PLCL1: variants seen among roughly 807,000 people sequenced by gnomAD.
PLCL1 encodes the protein inactive phospholipase C-like protein 1.
Under a neutral mutation model 84.4 loss-of-function variants are expected in PLCL1, and 41 were observed. The ratio of observed to expected loss-of-function variants is 0.49; its 90% CI spans 0.38 to 0.63. The LOEUF (loss-of-function observed/expected upper bound fraction) is 0.63, where lower values mean the gene tolerates loss of function less well. Among genes scored for constraint, PLCL1 ranks in the 30% least tolerant of loss-of-function variants. PLCL1 has a pLI of 0.00. For missense variants in PLCL1, 1,206 were observed against 1,367.8 expected, an observed-to-expected ratio of 0.88 and a Z score of 1.87; for synonymous variants, 490 against 488.3, an observed-to-expected ratio of 1.00 and a Z score of -0.05.
chr2:197,918,936 GTCTCTCTCTCTCTCTC>G (rs71395692), intron 1 of PLCL1, among the ~76,000 whole-genome samples: 4 of 83,160 alleles, frequency 4.8e-5, no homozygotes, highest in South Asian at 4.6e-4. Context: ...CGGAGACCCT[GTCTCTCTCTCTCTCTC>G]TCTCTCTCTC....
At chr2:197,971,924 A>T (rs555211897) in intron 1 of PLCL1, among the ~76,000 whole-genome samples, 1 of 152,334 alleles carries the variant, frequency 6.6e-6, no homozygotes, top group Non-Finnish European at 1.5e-5. Context: ...TTAAAATAAA[A>T]CTGTCAAATT....
Position 198,101,152 on chromosome 2 carries a change from C to T in PLCL1, c.2920-133C>T, listed in dbSNP as rs555411933. 2.8e-4 allele frequency: 184 copies of T among 659,346 alleles called. 3 individuals are homozygous for T. The South Asian group carries it at 3.3e-3, about 12-fold the overall frequency. 40.8% of individuals were successfully genotyped at this position (659,346 alleles called of 1,614,324 possible). On this transcript the variant is annotated intron_variant, in intron 3 of 5. Coordinates refer to ENST00000428675, the MANE Select transcript of PLCL1 (RefSeq NM_006226.4). ...GTTGGAACAGAGCTTATCCTTCTCC[C>T]TCCCATCTGTTGTGGTGAGACTATG...
chr2:197,942,308 C>T (rs1440468718), intron 1 of PLCL1, among the ~76,000 whole-genome samples: 1 of 152,124 alleles, frequency 6.6e-6, no homozygotes, highest in Non-Finnish European at 1.5e-5. Flanking sequence ...TTGCATCTTG[C>T]CCCTTTGCCT....
intron 2 of PLCL1, among the ~76,000 whole-genome samples, chr2:198,087,100 G>T (rs1041640080): frequency 6.6e-6 from 1 of 152,114 alleles, no homozygotes; most frequent in African/African-American, 2.4e-5. Context: ...ATTTAACCTT[G>T]TCTTAGAAAT....
chr2:197,827,957 A>G (rs1337114702), intron 1 of PLCL1, among the ~76,000 whole-genome samples: 1 of 73,150 alleles, frequency 1.4e-5, no homozygotes, highest in Non-Finnish European at 2.7e-5. Context: ...CAGATTAGCA[A>G]ATATGTTTTT....
intron 1 of PLCL1, among the ~76,000 whole-genome samples, chr2:198,070,805 T>C (rs1360651206): frequency 6.6e-6 from 1 of 151,996 alleles, no homozygotes; most frequent in Non-Finnish European, 1.5e-5. Flanking sequence ...CTACAAAGTG[T>C]ATCTATTGTT....
chr2:198,115,846 G>A (rs1007106210), intron 5 of PLCL1, among the ~76,000 whole-genome samples: 3 of 151,178 alleles, frequency 2.0e-5, no homozygotes, highest in Admixed American at 6.6e-5. Flanking sequence ...CCCTTGACAC[G>A]TGGGGATTAT....
rs748132872 is a variant in PLCL1, at chr2:198,103,867, A to G, written c.3036A>G (p.Lys1012=). Residue 1012 remains lysine (K), a synonymous_variant, in exon 5 of 6, where the codon AAA becomes AAG. Transcript: ENST00000428675. ...AAGAACTTCATAATTTGGGGGCAAAAGAAGGCTTGAAGGGAAGAAAACTCA... is the reference window on the plus strand; with the variant it reads ...AAGAACTTCATAATTTGGGGGCAAAGGAAGGCTTGAAGGGAAGAAAACTCA... The part of the protein sequence containing the change: ...FHEELHNLGA[K]EGLKGRKLNK... The G allele has an allele frequency of 6.2e-7, 1 of 1,607,690 alleles. No homozygotes were observed. Among genetic ancestry groups the G allele is most frequent in the Non-Finnish European group, 8.5e-7 (1 of 1,176,632 alleles).
At chr2:198,066,432 C>A (rs796708063) in intron 1 of PLCL1, among the ~76,000 whole-genome samples, 1 of 152,134 alleles carries the variant, frequency 6.6e-6, no homozygotes, top group South Asian at 2.1e-4. Flanking sequence ...CTCTCCCTCT[C>A]CCCATTGCTC....
chr2:198,083,759 A>G lies in PLCL1; in HGVS notation c.242A>G (p.Asp81Gly), dbSNP rs1171408740. ...ATPRRSSIIK[D>G]PSNQKCGGRK... The stretch of plus-strand genomic sequence containing the variant: ...CATTTTTTTCAAATTATTTTACAGG[A>G]TCCTTCAAACCAAAAATGTGGTGGA... Residue 81 changes from aspartate to glycine, a missense_variant and splice_region_variant, in exon 2 of 6, where the codon GAT (aspartate) becomes GGT (glycine). Physicochemically the swap from Asp to Gly is moderately conservative, Grantham distance 94. Coordinates refer to ENST00000428675, the MANE Select transcript of PLCL1 (RefSeq NM_006226.4). The G allele has an allele frequency of 6.4e-7, 1 of 1,571,492 alleles. No homozygotes were observed. Among genetic ancestry groups the G allele is most frequent in the Non-Finnish European group, 8.6e-7 (1 of 1,160,258 alleles).
At chr2:198,020,738 A>G (rs2105839272) in intron 1 of PLCL1, among the ~76,000 whole-genome samples, 1 of 152,306 alleles carries the variant, frequency 6.6e-6, no homozygotes, top group East Asian at 1.9e-4. Context: ...GAGCACCCAG[A>G]TTCATAAAGC....
chr2:197,997,181 G>C (rs1005048588), intron 1 of PLCL1, among the ~76,000 whole-genome samples: 1 of 152,228 alleles, frequency 6.6e-6, no homozygotes, highest in Non-Finnish European at 1.5e-5. Flanking sequence ...TGTGCACAGC[G>C]TAAGTGGCAC....
At chr2:198,065,531 T>A (rs538892621) in intron 1 of PLCL1, among the ~76,000 whole-genome samples, 28 of 152,292 alleles carry the variant, frequency 1.8e-4, no homozygotes, top group African/African-American at 6.7e-4. Context: ...GTCACCCTAT[T>A]AATGTATGTT....
At chr2:197,934,526 A>G (rs998606874) in intron 1 of PLCL1, among the ~76,000 whole-genome samples, 21 of 152,224 alleles carry the variant, frequency 1.4e-4, no homozygotes, top group African/African-American at 4.8e-4. Flanking sequence ...CAAAAGCACT[A>G]TTAAGATGAT....
At chr2:197,852,730 T>C (rs368206235) in intron 1 of PLCL1, among the ~76,000 whole-genome samples, 4 of 152,176 alleles carry the variant, frequency 2.6e-5, no homozygotes, top group East Asian at 3.8e-4. Flanking sequence ...AAACCTCTCC[T>C]ATTTTGGGCC....
chr2:198,068,991 C>T (rs1692400579), intron 1 of PLCL1, among the ~76,000 whole-genome samples: 1 of 151,894 alleles, frequency 6.6e-6, no homozygotes, highest in African/African-American at 2.4e-5. Flanking sequence ...GCTGAGGTTG[C>T]ACCACTGTAC....
At chr2:197,824,645 T>C (rs779737843) in intron 1 of PLCL1, among the ~76,000 whole-genome samples, 5 of 150,496 alleles carry the variant, frequency 3.3e-5, no homozygotes, top group Non-Finnish European at 7.4e-5. Flanking sequence ...GCTCAGGAGG[T>C]TGAGGCTGCA....
intron 1 of PLCL1, among the ~76,000 whole-genome samples, chr2:197,886,846 T>TA (rs1448558172): frequency 2.0e-5 from 3 of 152,136 alleles, no homozygotes; most frequent in Non-Finnish European, 4.4e-5. Context: ...GGGCAGTAGG[T>TA]GCTGGATCAA....
intron 1 of PLCL1, among the ~76,000 whole-genome samples, chr2:198,015,338 T>C (rs759488678): frequency 3.2e-4 from 48 of 152,148 alleles, no homozygotes; most frequent in Non-Finnish European, 1.5e-4. Flanking sequence ...AAAAGCAATA[T>C]AGTACTTAGC....
Sources: gnomAD v4.1 joint callset for allele counts (sites outside exome capture counted in the v4.1 genomes callset) on GRCh38, gnomAD v4.1.1 for gene constraint, MANE v1.5 for transcripts, NCBI Gene and HGNC (gene_info 2026-07-23, HGNC 2026-07-21) for gene names.